The following PRPF18 variants were observed in gnomAD, a reference collection of about 807,000 sequenced individuals.
The protein encoded by PRPF18 is pre-mRNA processing factor 18, also known as pre-mRNA-splicing factor 18.
PRPF18 carries 38 observed loss-of-function variants against 46.5 expected under a neutral mutation model. That is an observed-to-expected ratio of 0.82 (90% confidence interval 0.63 to 1.07). The LOEUF is 1.07. Among genes scored for constraint, PRPF18 ranks in the 50% least tolerant of loss-of-function variants. The pLI is 0.00. For synonymous variants in PRPF18, 152 were observed against 146.7 expected (o/e 1.04, Z -0.26); for missense variants, 263 against 410.0 (o/e 0.64, Z 3.10).
rs146788221 is a variant in PRPF18, at chr10:13,625,756, A to G, written c.949-4504A>G. Among the ~76,000 whole-genome samples the G allele has an allele frequency of 2.2e-4, 34 of 152,358 alleles. No individual in the cohort carries two copies. The East Asian group carries it at 6.2e-3, about 28-fold the overall frequency. The stretch of plus-strand genomic sequence containing the variant: ...GTCGCTTACAAAGGTGCAGGAATTA[A>G]AATACTGTCATACTTCTCACTGATA... On this transcript the variant is annotated intron_variant, in intron 9 of 9. Coordinates refer to ENST00000378572, the MANE Select transcript of PRPF18 (RefSeq NM_003675.4).
chr10:13,629,160 A>G (rs2080555713), intron 9 of PRPF18, among the ~76,000 whole-genome samples: 1 of 152,228 alleles, frequency 6.6e-6, no homozygotes, highest in Admixed American at 6.5e-5. Context: ...ACTGCTGTAG[A>G]GACAAAAGGC....
At position 13,600,336 on chromosome 10, in the gene PRPF18, T is replaced by A; in HGVS notation, c.237T>A (p.Leu79=). The A allele has an allele frequency of 6.2e-7, 1 of 1,608,950 alleles. No homozygotes were observed. The highest frequency in any genetic ancestry group is 1.3e-5 in the African/African-American group (1 of 74,742). ...ELAEEKLPMT[L]SRQEVIRRLR... is the part of the protein sequence containing the mutation. ...CAGAGGAAAAATTACCTATGACGCT[T>A]TCTAGGCAAGAGGTAAGTTTATTTG... Residue 79 remains leucine (L), a synonymous_variant, in exon 3 of 10, where the codon CTT becomes CTA. Coordinates refer to ENST00000378572, the MANE Select transcript of PRPF18 (RefSeq NM_003675.4).
intron 1 of PRPF18, among the ~76,000 whole-genome samples, chr10:13,590,296 T>A (rs540899058): frequency 8.4e-4 from 127 of 151,956 alleles, no homozygotes; most frequent in Non-Finnish European, 1.5e-3. Context: ...AGGGCGTACA[T>A]GAAATGGGAA....
the PRPF18 span, chr10:13,646,908 G>A: frequency 4.4e-6 from 3 of 685,538 alleles, no homozygotes; most frequent in Non-Finnish European, 5.4e-6. Flanking sequence ...ATGGCGTTGA[G>A]GCGGTCAGAT....
intron 1 of PRPF18, chr10:13,591,924 G>T: frequency 1.5e-6 from 2 of 1,311,900 alleles, no homozygotes; most frequent in East Asian, 4.0e-5. Flanking sequence ...CGTGTCAACT[G>T]AGGGTTTTTT....
chr10:13,588,576 T>TAA (rs771376532), intron 1 of PRPF18, among the ~76,000 whole-genome samples: 188 of 127,292 alleles, frequency 1.5e-3, no homozygotes, highest in Middle Eastern at 4.2e-3. Flanking sequence ...TCCCTGTCTC[T>TAA]AAAAAAAAAA....
Position 13,601,321 on chromosome 10 carries a change from T to C in PRPF18, c.249+973T>C, listed in dbSNP as rs555869545. The stretch of plus-strand genomic sequence containing the variant: ...GCCATGTTGTGCCACTTTATACTCC[T>C]AGCTGTTGTGTTTATAGTGTTTGTC... On this transcript the variant is annotated intron_variant, in intron 3 of 9. Coordinates refer to ENST00000378572, the MANE Select transcript of PRPF18 (RefSeq NM_003675.4). 2.0e-5 allele frequency among the ~76,000 whole-genome samples: 3 copies of C among 152,354 alleles called. No homozygotes were observed. The South Asian group carries it at 6.2e-4, about 32-fold the overall frequency.
At chr10:13,619,664 A>C (rs2080395829) in intron 9 of PRPF18, among the ~76,000 whole-genome samples, 1 of 152,134 alleles carries the variant, frequency 6.6e-6, no homozygotes, top group South Asian at 2.1e-4. Context: ...TAGAAGCTGC[A>C]TTTTATTTTC....
In PRPF18 at chr10:13,616,332, T is replaced by G; in HGVS notation, c.793-66T>G. The G allele has an allele frequency of 3.4e-6, 5 of 1,466,788 alleles. No homozygotes were observed. In the South Asian group the frequency reaches 5.0e-5, roughly 15 times the overall value. The allele number at this position is 1,466,788 out of a possible 1,614,324, so 90.9% of individuals were successfully genotyped here. A position where few individuals can be genotyped will look rare whatever the true frequency, so the allele number is the denominator to read the frequency against. ...CATCATAAAGGGCTGTGAAATACTT[T>G]CAGTAAGAATTTGAGCCAGTACAAC... On this transcript the variant is annotated intron_variant, in intron 8 of 9. Transcript: ENST00000378572.
At chr10:13,625,677 T>C (rs967861490) in intron 9 of PRPF18, among the ~76,000 whole-genome samples, 6 of 152,212 alleles carry the variant, frequency 3.9e-5, no homozygotes, top group Non-Finnish European at 8.8e-5. Context: ...CACAAAAGAA[T>C]GCATGTTGGA....
At chr10:13,633,978 C>T (rs570134375), downstream of PRPF18, among the ~76,000 whole-genome samples, 7 of 152,264 alleles carry the variant, frequency 4.6e-5, no homozygotes, top group South Asian at 2.1e-4. Context: ...TATAACCACA[C>T]GCTAGTCCTT....
intron 4 of PRPF18, among the ~76,000 whole-genome samples, chr10:13,608,316 G>C (rs565226176): frequency 6.6e-6 from 1 of 152,308 alleles, no homozygotes; most frequent in South Asian, 2.1e-4. Flanking sequence ...CTGATATCTT[G>C]CCCCTTTCCT....
chr10:13,618,291 T>C (rs2080373550), intron 9 of PRPF18, among the ~76,000 whole-genome samples: 2 of 152,118 alleles, frequency 1.3e-5, no homozygotes, highest in South Asian at 2.1e-4. Flanking sequence ...ATTGGACCCA[T>C]ATACCCTTTT....
intron 3 of PRPF18, 29 bp from the exon 4 acceptor site, chr10:13,605,602 A>AT: frequency 6.6e-7 from 1 of 1,520,598 alleles, no homozygotes; most frequent in Non-Finnish European, 8.8e-7. Flanking sequence ...AAAAAAAAAA[A>AT]TTTACTGGGT....
chr10:13,643,977 A>G, the PRPF18 span: 1 of 152,640 alleles, frequency 6.6e-6, no homozygotes. Context: ...CACAACTTGT[A>G]ATAAACTATT....
chr10:13,606,733 C>CAAAAAAAAAAAAAAAAAA (rs34162273), intron 4 of PRPF18, among the ~76,000 whole-genome samples: 1 of 73,010 alleles, frequency 1.4e-5, no homozygotes, highest in Non-Finnish European at 2.5e-5. Flanking sequence ...GACTCCTTCT[C>CAAAAAAAAAAAAAAAAAA]AAAAAAAAAA....
Position 13,611,684 on chromosome 10 carries a change from G to C in PRPF18, c.579+1G>C, listed in dbSNP as rs2080270824. On this transcript the variant is annotated splice_donor_variant, in intron 6 of 9. Transcript: ENST00000378572. LOFTEE classifies it high-confidence loss of function. ...GGACATCATCACCAAATTCCTGAAG[G>C]TGCGTGTCTTAGGCGAGGGGATGAG... 3.1e-6 allele frequency: 5 copies of C among 1,613,372 alleles called. No homozygotes were observed. Among genetic ancestry groups the C allele is most frequent in the Non-Finnish European group, 4.2e-6 (5 of 1,179,406 alleles).
At chr10:13,611,829 G>C in intron 6 of PRPF18, 146 bp downstream of exon 6, 1 of 630,058 alleles carries the variant, frequency 1.6e-6, no homozygotes, top group Non-Finnish European at 2.8e-6. Flanking sequence ...ATATCACTAT[G>C]CACTTGATGT....
intron 9 of PRPF18, 49 bp downstream of exon 9, chr10:13,616,602 A>G (rs2080344289): frequency 6.3e-7 from 1 of 1,593,614 alleles, no homozygotes; most frequent in Non-Finnish European, 8.6e-7. Context: ...AATATTCTCT[A>G]ATTCCCAAAA....
Sources: allele counts gnomAD v4.1 joint callset (sites outside exome capture counted in the v4.1 genomes callset), GRCh38; gene constraint gnomAD v4.1.1; transcripts MANE v1.5; gene names NCBI Gene and HGNC (gene_info 2026-07-23, HGNC 2026-07-21).